SKIL: variants seen among roughly 807,000 people sequenced by gnomAD.
SKIL encodes the protein ski-like protein.
Under a neutral mutation model 69.6 loss-of-function variants are expected in SKIL, and 20 were observed. The ratio of observed to expected loss-of-function variants is 0.29; its 90% CI spans 0.20 to 0.42. The LOEUF (loss-of-function observed/expected upper bound fraction) is 0.42, where lower values mean the gene tolerates loss of function less well. Among genes scored for constraint, SKIL ranks in the 10% least tolerant of loss-of-function variants. The pLI, the probability that SKIL is intolerant of heterozygous loss-of-function variation, is 1.00. For missense variants in SKIL, 745 were observed against 783.1 expected, an observed-to-expected ratio of 0.95 and a Z score of 0.58; for synonymous variants, 310 against 279.9, an observed-to-expected ratio of 1.11 and a Z score of -1.08.
At chr3:170,371,572 C>CA (rs968563964) in intron 2 of SKIL, among the ~76,000 whole-genome samples, 1 of 152,130 alleles carries the variant, frequency 6.6e-6, no homozygotes, top group Admixed American at 6.5e-5. Context: ...AATTTTAAGA[C>CA]AGTTCATTTA....
intron 4 of SKIL, 32 bp downstream of exon 4, chr3:170,384,797 A>G (rs1285445329): frequency 3.5e-6 from 4 of 1,141,012 alleles, no homozygotes; most frequent in Non-Finnish European, 5.1e-6. Flanking sequence ...TTCTAAAATT[A>G]AATATCTAAT....
At position 170,360,453 on chromosome 3, in the gene SKIL, A is replaced by G. The variant is rs1263793427; in HGVS notation, c.122A>G (p.Lys41Arg). ...KMITDIHANG[K>R]TINKVPTVKK... ...ATAACGGACATTCATGCAAATGGAA[A>G]AACGATAAACAAGGTGCCAACAGTT... The change falls in exon 2 of 7, where the codon AAA (lysine) becomes AGA (arginine). Residue 41 changes from lysine (K) to arginine (R), a missense_variant. Coordinates refer to ENST00000259119, the MANE Select transcript of SKIL (RefSeq NM_005414.5). 1.9e-6 allele frequency: 3 copies of G among 1,614,060 alleles called. No individual in the cohort carries two copies. In the East Asian group the frequency reaches 6.7e-5, roughly 36 times the overall value.
At chr3:170,369,082 ATTTTTTTTTTTTT>A (rs55652320) in intron 2 of SKIL, among the ~76,000 whole-genome samples, 25 of 126,778 alleles carry the variant, frequency 2.0e-4, no homozygotes, top group African/African-American at 7.2e-4. Context: ...TATCCCTGGC[ATTTTTTTTTTTTT>A]TTTTTTTTTT....
Position 170,384,521 on chromosome 3 carries a change from A to G in SKIL, c.1197-12A>G, listed in dbSNP as rs183339911. The G allele has an allele frequency of 7.0e-6, 9 of 1,293,076 alleles. No homozygotes were observed. Among genetic ancestry groups the G allele is most frequent in the African/African-American group, 1.5e-5 (1 of 67,462 alleles). The allele number at this position is 1,293,076 out of a possible 1,614,324, so 80.1% of individuals were successfully genotyped here. ...GTAATATATGTCTTGTTTTGCTTTT[A>G]CTTGTTTTCAGCTACTACTTATACA... On this transcript the variant is annotated splice_polypyrimidine_tract_variant and intron_variant, in intron 3 of 6. Coordinates refer to ENST00000259119, the MANE Select transcript of SKIL (RefSeq NM_005414.5).
chr3:170,382,410 TTGA>T (rs1300447702), intron 3 of SKIL, among the ~76,000 whole-genome samples: 1 of 95,204 alleles, frequency 1.1e-5, no homozygotes, highest in Non-Finnish European at 2.3e-5. Flanking sequence ...GTGTGCAACT[TTGA>T]TTTTTTTTTT....
At chr3:170,364,095 C>A (rs543027664) in intron 2 of SKIL, among the ~76,000 whole-genome samples, 10 of 152,140 alleles carry the variant, frequency 6.6e-5, no homozygotes, top group Admixed American at 2.6e-4. Context: ...GGACTTCAGG[C>A]GCCCACCGCC....
chr3:170,381,128 G>C, intron 2 of SKIL, 116 bp from the exon 3 acceptor site: 1 of 643,660 alleles, frequency 1.6e-6, no homozygotes, highest in Non-Finnish European at 2.9e-6. Flanking sequence ...TGCGTGGCAT[G>C]ATGACTCTTA....
intron 2 of SKIL, among the ~76,000 whole-genome samples, chr3:170,379,842 C>T (rs907139507): frequency 6.6e-6 from 1 of 152,076 alleles, no homozygotes; most frequent in African/African-American, 2.4e-5. Context: ...TGGGGTTTTG[C>T]CACGTTGGCC....
rs143415309 is a variant in SKIL at position 170,360,598 on chromosome 3, A to T, written c.267A>T (p.Thr89=). The T allele has an allele frequency of 1.1e-5, 17 of 1,614,082 alleles. No individual in the cohort carries two copies. In the African/African-American group the frequency reaches 2.1e-4, roughly 20 times the overall value. Reference sequence around the variant, plus strand: ...ATTTAAATCCCAGTTTGAAACACACATTGGCACAATTCCATTTAAGTAGTC... The same window carrying T: ...ATTTAAATCCCAGTTTGAAACACACTTTGGCACAATTCCATTTAAGTAGTC... The part of the protein sequence containing the change: ...TLHLNPSLKH[T]LAQFHLSSQS... The change falls in exon 2 of 7, where the codon ACA becomes ACT. Residue 89 remains threonine (T), a synonymous_variant. Transcript: ENST00000259119.
Position 170,394,734 on chromosome 3 carries a change from A to C in SKIL, c.*2317A>C, listed in dbSNP as rs1023011387. 1 of 152,228 alleles carries C rather than the reference A, an allele frequency of 6.6e-6. No individual in the cohort carries two copies. The highest frequency in any genetic ancestry group is 2.4e-5 in the African/African-American group (1 of 41,460). The allele number at this position is 152,228 out of a possible 1,614,324, so 9.4% of individuals were successfully genotyped here. A position where few individuals can be genotyped will look rare whatever the true frequency, so the allele number is the denominator to read the frequency against. ...ATGCGTTGGTGTGCCATAGGTTTCT[A>C]ACTTCCTTGAAAATAGTTTTTTAAG... On this transcript the variant is annotated 3_prime_UTR_variant, in exon 7 of 7. Coordinates refer to ENST00000259119, the MANE Select transcript of SKIL (RefSeq NM_005414.5).
In SKIL at chr3:170,361,340, G is replaced by C; in HGVS notation, c.1009G>C (p.Gly337Arg). Residue 337 changes from glycine (G) to arginine (R), a missense_variant, in exon 2 of 7, where the codon GGA becomes CGA. Physicochemically the swap from Gly to Arg is moderately radical, Grantham distance 125. Transcript: ENST00000259119. Reference sequence around the variant, plus strand: ...TCTTCATGTGAACCAAAAATACTTAGGAACACCTGAAGAAAAGAAACTGAA... The same window carrying C: ...TCTTCATGTGAACCAAAAATACTTACGAACACCTGAAGAAAAGAAACTGAA... ...CYLHVNQKYL[G>R]TPEEKKLKII... The C allele has an allele frequency of 6.2e-7, 1 of 1,612,856 alleles. No homozygotes were observed. Among genetic ancestry groups the C allele is most frequent in the Non-Finnish European group, 8.5e-7 (1 of 1,179,704 alleles).
chr3:170,390,556 A>G, intron 5 of SKIL, 92 bp downstream of exon 5: 2 of 974,886 alleles, frequency 2.1e-6, no homozygotes, highest in Non-Finnish European at 3.1e-6. Context: ...GCGCAGTCTC[A>G]GCTCACTGAA....
In SKIL at chr3:170,360,863, T is replaced by C. The variant is rs142732740; in HGVS notation, c.532T>C (p.Phe178Leu). 1 of 1,614,106 alleles carries C rather than the reference T, an allele frequency of 6.2e-7. No homozygotes were observed. The highest frequency in any genetic ancestry group is 1.3e-5 in the African/African-American group (1 of 74,942). ...AGTCTTAAATTCTGTTCTCCGAGAA[T>C]TTACACTCCAGCAAATAAATACAGT... ...PQVLNSVLRE[F>L]TLQQINTVCD... The change falls in exon 2 of 7, where the codon TTT becomes CTT. Residue 178 changes from phenylalanine (F) to leucine (L), a missense_variant. Phe to Leu is a conservative substitution (Grantham distance 22, BLOSUM62 0). Transcript: ENST00000259119.
chr3:170,379,254 A>G (rs930289778), intron 2 of SKIL, among the ~76,000 whole-genome samples: 1 of 152,128 alleles, frequency 6.6e-6, no homozygotes, highest in Non-Finnish European at 1.5e-5. Context: ...CTAGGATTAC[A>G]GGCATGAGCC....
intron 2 of SKIL, among the ~76,000 whole-genome samples, chr3:170,373,424 C>T (rs914078154): frequency 6.6e-5 from 10 of 151,812 alleles, no homozygotes; most frequent in Admixed American, 2.6e-4. Context: ...GGTGATCCTC[C>T]GCCTTGGCCT....
chr3:170,375,203 A>G (rs1181075552), intron 2 of SKIL, among the ~76,000 whole-genome samples: 1 of 152,208 alleles, frequency 6.6e-6, no homozygotes, highest in Non-Finnish European at 1.5e-5. Context: ...GATCTTTAAG[A>G]TTCCTTAGAA....
At chr3:170,391,615 G>A (rs555264043) in intron 6 of SKIL, among the ~76,000 whole-genome samples, 256 of 152,082 alleles carry the variant, frequency 1.7e-3, no homozygotes, top group African/African-American at 5.8e-3. Flanking sequence ...CACTGCACCC[G>A]GCCACCGTTA....
rs1357867894 is a variant in SKIL at position 170,360,913 on chromosome 3, T to C, written c.582T>C (p.Cys194=). Residue 194 remains cysteine (C), a synonymous_variant, in exon 2 of 7, where the codon TGT becomes TGC. Transcript: ENST00000259119. ...NTVCDELYIY[C]SRCTSDQLHI... is the part of the protein sequence containing the mutation. ...TGTGTGATGAACTGTACATATATTG[T>C]TCAAGGTGTACTTCAGACCAGCTTC... The C allele has an allele frequency of 1.2e-6, 2 of 1,614,198 alleles. No individual in the cohort carries two copies. Among genetic ancestry groups the C allele is most frequent in the African/African-American group, 1.3e-5 (1 of 75,070 alleles).
chr3:170,376,252 G>A (rs1264198196), intron 2 of SKIL, among the ~76,000 whole-genome samples: 2 of 151,236 alleles, frequency 1.3e-5, no homozygotes, highest in Non-Finnish European at 2.9e-5. Context: ...TTCACCATTT[G>A]GTCAGGCTGG....
Sources: gnomAD v4.1 joint callset for allele counts (sites outside exome capture counted in the v4.1 genomes callset) on GRCh38, gnomAD v4.1.1 for gene constraint, MANE v1.5 for transcripts, NCBI Gene and HGNC (gene_info 2026-07-23, HGNC 2026-07-21) for gene names.